The following ANKMY1 variants were observed in gnomAD, a reference collection of about 807,000 sequenced individuals.
ANKMY1 encodes the protein ankyrin repeat and MYND domain-containing protein 1.
In ANKMY1, 98 loss-of-function variants were observed where a neutral mutation model predicts 102.0. That is an observed-to-expected ratio of 0.96 (90% CI 0.82 to 1.14). The LOEUF (loss-of-function observed/expected upper bound fraction) is 1.14. ANKMY1 is among the 50% of genes most tolerant of loss of function. The probability of loss-of-function intolerance (pLI) is 0.00; values close to 1 mark genes in which losing one functional copy is unlikely to be tolerated. For synonymous variants in ANKMY1, 582 were observed against 559.9 expected (o/e 1.04, Z -0.56); for missense variants, 1,330 against 1,347.6 (o/e 0.99, Z 0.20).
intron 14 of ANKMY1, 43 bp from the exon 15 acceptor site, chr2:240,500,166 C>A (rs778238786): frequency 1.3e-6 from 2 of 1,527,838 alleles, no homozygotes; most frequent in Non-Finnish European, 1.8e-6. Flanking sequence ...CCGGGCCCGC[C>A]CCTCACTGCT....
At position 240,526,324 on chromosome 2, in the gene ANKMY1, C is replaced by G. The variant is rs1412702875; in HGVS notation, c.1075G>C (p.Gly359Arg). 5 of 1,614,236 alleles carry G rather than the reference C, an allele frequency of 3.1e-6. No homozygotes were observed. The East Asian group carries it at 1.1e-4, about 36-fold the overall frequency. The change falls in exon 6 of 18, where the codon GGG (glycine) becomes CGG (arginine). Residue 359 changes from glycine (G) to arginine (R), a missense_variant. Transcript: ENST00000401804. The part of the protein sequence containing the change: ...SMEMILKAEE[G>R]NHEWICRILK... ...ATCCTACAAATCCATTCGTGGTTCCCTTCCTCAGCCTTTAGGATCATCTCC... is the reference window on the plus strand; with the variant it reads ...ATCCTACAAATCCATTCGTGGTTCCGTTCCTCAGCCTTTAGGATCATCTCC...
At chr2:240,482,538 G>T (rs1158350878) in intron 15 of ANKMY1, among the ~76,000 whole-genome samples, 1 of 152,216 alleles carries the variant, frequency 6.6e-6, no homozygotes, top group African/African-American at 2.4e-5. Flanking sequence ...TCATTTCAAA[G>T]TGTTTCAAAT....
intron 15 of ANKMY1, among the ~76,000 whole-genome samples, chr2:240,492,713 CAG>C (rs2076791182): frequency 1.3e-5 from 2 of 152,052 alleles, no homozygotes; most frequent in South Asian, 4.1e-4. Flanking sequence ...AAATTTGAGA[CAG>C]AGTCTCACTG....
intron 4 of ANKMY1, among the ~76,000 whole-genome samples, chr2:240,539,018 G>A (rs183245500): frequency 2.0e-5 from 3 of 152,154 alleles, no homozygotes; most frequent in East Asian, 1.9e-4. Flanking sequence ...AAAATGGACC[G>A]ATCAGCTCTC....
At chr2:240,545,205 A>AC (rs1212743899) in intron 4 of ANKMY1, among the ~76,000 whole-genome samples, 3 of 151,888 alleles carry the variant, frequency 2.0e-5, no homozygotes, top group Admixed American at 2.0e-4. Context: ...CTGACCTCTG[A>AC]CCCCCCGAGC....
chr2:240,472,901 G>C, the ANKMY1 span, among the ~76,000 whole-genome samples: 2 of 152,158 alleles, frequency 1.3e-5, no homozygotes, highest in African/African-American at 4.8e-5. Flanking sequence ...GAGGCAGGTA[G>C]GTTGCTTGAG....
chr2:240,522,352 CAA>C (rs937247427), intron 8 of ANKMY1: 13 of 152,224 alleles, frequency 8.5e-5, no homozygotes, highest in Admixed American at 4.6e-4. Flanking sequence ...AACACTGTCA[CAA>C]AAAGTTATTT....
At position 240,509,759 on chromosome 2, in the gene ANKMY1, G is replaced by C. The variant is rs544832123; in HGVS notation, c.2287-304C>G. Among the ~76,000 whole-genome samples, 83 of 152,226 alleles carry C rather than the reference G, an allele frequency of 5.5e-4. 1 individual carries two copies. In the South Asian group the frequency reaches 0.017, roughly 30 times the overall value. On this transcript the variant is annotated intron_variant, in intron 11 of 17. Transcript: ENST00000401804. The stretch of plus-strand genomic sequence containing the variant: ...TTAAAGTTTGTTTTCAGAGGACAAG[G>C]GACAGTCCAGACCACATGACCACGT...
chr2:240,543,398 C>T (rs1186403764), intron 4 of ANKMY1, among the ~76,000 whole-genome samples: 1 of 151,518 alleles, frequency 6.6e-6, no homozygotes, highest in African/African-American at 2.4e-5. Flanking sequence ...GAAATGTCTT[C>T]AGAATTGCCA....
intron 4 of ANKMY1, among the ~76,000 whole-genome samples, chr2:240,552,015 C>G (rs1575364009): frequency 6.6e-6 from 1 of 152,190 alleles, no homozygotes; most frequent in Admixed American, 6.5e-5. Context: ...TGACTCCAGG[C>G]CCTTTGTTCA....
At chr2:240,527,263 T>A (rs1200400970) in intron 5 of ANKMY1, 1 of 144,504 alleles carries the variant, frequency 6.9e-6, no homozygotes, top group African/African-American at 2.7e-5. Flanking sequence ...GAAAGATGCA[T>A]GAATAGATTG....
upstream of ANKMY1, among the ~76,000 whole-genome samples, chr2:240,559,282 T>A (rs1301887013): frequency 6.6e-6 from 1 of 152,200 alleles, no homozygotes; most frequent in Non-Finnish European, 1.5e-5. Flanking sequence ...TGATGATGAT[T>A]CATGAAACAG....
At chr2:240,521,708 C>T (rs531787363) in intron 8 of ANKMY1, among the ~76,000 whole-genome samples, 1 of 152,024 alleles carries the variant, frequency 6.6e-6, no homozygotes, top group African/African-American at 2.4e-5. Context: ...CCGTGTTAGC[C>T]AGGATGGTCT....
chr2:240,494,140 C>T (rs76459667), intron 15 of ANKMY1, among the ~76,000 whole-genome samples: 10,933 of 152,014 alleles, frequency 0.072, 479 homozygotes, highest in South Asian at 0.15. Context: ...GTGCTCAGGC[C>T]CCCCACTGGT....
rs151144452 is a variant in ANKMY1 at position 240,541,408 on chromosome 2, T to C, written c.480+11506A>G. ...AAGCTTCAGTAAACTGATATTCTTT[T>C]GTAATACTTTTTGGCCCCAATATTC... On this transcript the variant is annotated intron_variant, in intron 4 of 17. Coordinates refer to ENST00000401804, the MANE Select transcript of ANKMY1 (RefSeq NM_001282771.3). Among the ~76,000 whole-genome samples the C allele has an allele frequency of 3.3e-5, 5 of 152,332 alleles. No individual in the cohort carries two copies. In the East Asian group the frequency reaches 9.6e-4, roughly 29 times the overall value.
At chr2:240,479,978 G>A (rs772640199) in intron 17 of ANKMY1, among the ~76,000 whole-genome samples, 4 of 152,164 alleles carry the variant, frequency 2.6e-5, no homozygotes, top group African/African-American at 9.7e-5. Context: ...TTGGGAGGCC[G>A]AGGTGGGTGG....
rs2079152614 is a variant in ANKMY1 at position 240,506,820 on chromosome 2, A to T, written c.2526+740T>A. Among the ~76,000 whole-genome samples, 1 of 152,176 alleles carries T rather than the reference A, an allele frequency of 6.6e-6. No homozygotes were observed. Among genetic ancestry groups the T allele is most frequent in the Admixed American group, 6.5e-5 (1 of 15,288 alleles). ...AGGGCACAGAGGGAGGCCCTGCCTGAGCCAAAGCCACTGAGAGTTTCCCAG... is the reference window on the plus strand; with the variant it reads ...AGGGCACAGAGGGAGGCCCTGCCTGTGCCAAAGCCACTGAGAGTTTCCCAG... On this transcript the variant is annotated intron_variant, in intron 13 of 17. Coordinates refer to ENST00000401804, the MANE Select transcript of ANKMY1 (RefSeq NM_001282771.3). The surrounding 1 kb of genome is among the most constrained non-coding windows in gnomAD (Gnocchi z 4.9).
intron 4 of ANKMY1, among the ~76,000 whole-genome samples, chr2:240,546,949 CAAT>C (rs1387278252): frequency 6.6e-6 from 1 of 152,132 alleles, no homozygotes; most frequent in East Asian, 1.9e-4. Context: ...TTAGACAGAT[CAAT>C]GAGACAGAAA....
intron 4 of ANKMY1, among the ~76,000 whole-genome samples, chr2:240,544,099 A>T (rs1465985875): frequency 6.6e-6 from 1 of 152,228 alleles, no homozygotes; most frequent in Non-Finnish European, 1.5e-5. Flanking sequence ...GTTATTCATG[A>T]AACAAAGTAG....
Sources: allele counts gnomAD v4.1 joint callset (sites outside exome capture counted in the v4.1 genomes callset), GRCh38; gene constraint gnomAD v4.1.1; non-coding constraint Gnocchi (gnomAD v3.1); transcripts MANE v1.5; gene names NCBI Gene and HGNC (gene_info 2026-07-23, HGNC 2026-07-21).